Variants in STYX observed in about 807,000 individuals in gnomAD.
STYX encodes serine/threonine/tyrosine-interacting protein.
A neutral mutation model predicts 42.7 loss-of-function variants in STYX; 20 were observed. The observed-to-expected ratio is 0.47, with a 90% CI of 0.33 to 0.68. STYX has a LOEUF of 0.68. Ranked by LOEUF, STYX falls within the 30% of genes least tolerant of loss-of-function variation. STYX has a pLI of 0.02. For synonymous variants in STYX, 78 were observed against 81.9 expected (o/e 0.95, Z 0.26); for missense variants, 226 against 268.5 (o/e 0.84, Z 1.11).
chr14:52,757,984 G>A lies in STYX; in HGVS notation c.431+60G>A, dbSNP rs1201474764. 5 of 1,569,248 alleles carry A rather than the reference G, an allele frequency of 3.2e-6. No homozygotes were observed. In the African/African-American group the frequency reaches 6.8e-5, roughly 21 times the overall value. On this transcript the variant is annotated intron_variant, in intron 8 of 10. Transcript: ENST00000354586. ...AATTCTCATTAAAATGAAACTTAATGGGAATAGTTTGGAAGTTTGAAGTTC... is the reference window on the plus strand; with the variant it reads ...AATTCTCATTAAAATGAAACTTAATAGGAATAGTTTGGAAGTTTGAAGTTC...
intron 9 of STYX, among the ~76,000 whole-genome samples, chr14:52,762,878 CTTTCTTTTTTTTT>C (rs1287981712): frequency 1.0e-4 from 8 of 77,408 alleles, no homozygotes; most frequent in Middle Eastern, 9.1e-3. Context: ...TTCTTTCTTT[CTTTCTTTTTTTTT>C]TTTTTTTTTT....
At chr14:52,753,833 T>C (rs1047306717) in intron 4 of STYX, among the ~76,000 whole-genome samples, 1 of 151,916 alleles carries the variant, frequency 6.6e-6, no homozygotes, top group Non-Finnish European at 1.5e-5. Flanking sequence ...GTGTTTTTTT[T>C]TTACACCATA....
Position 52,756,590 on chromosome 14 carries a change from TATA to T in STYX, c.286_288del (p.Ile96del). 1 of 1,518,474 alleles carries T rather than the reference TATA, an allele frequency of 6.6e-7. No homozygotes were observed. 94.1% of individuals were successfully genotyped at this position (1,518,474 alleles called of 1,614,324 possible). On this transcript the variant is annotated inframe_deletion, in exon 5 of 11. Coordinates refer to ENST00000354586, the MANE Select transcript of STYX (RefSeq NM_145251.4). ...ATATTGCAGATAATCCAGTTGAAAA[TATA>T]ATACGTTTTTTCCCTATGGTAGGTA... is the stretch of plus-strand genomic sequence containing the variant.
chr14:52,758,308 C>A (rs1013193178), intron 8 of STYX, among the ~76,000 whole-genome samples: 1 of 152,150 alleles, frequency 6.6e-6, no homozygotes, highest in Non-Finnish European at 1.5e-5. Flanking sequence ...TCAGAGTAGT[C>A]TTTCTTATCA....
intron 4 of STYX, among the ~76,000 whole-genome samples, chr14:52,751,637 C>T (rs767329793): frequency 3.9e-5 from 6 of 152,070 alleles, no homozygotes; most frequent in Non-Finnish European, 7.4e-5. Context: ...AATGGTATCT[C>T]ATTTGATGTT....
intron 9 of STYX, among the ~76,000 whole-genome samples, chr14:52,767,857 G>C (rs1270250432): frequency 2.6e-5 from 4 of 152,186 alleles, no homozygotes; most frequent in African/African-American, 9.7e-5. Flanking sequence ...TGATTCTCAT[G>C]TATATCCAGG....
intron 1 of STYX, among the ~76,000 whole-genome samples, chr14:52,737,795 T>TTTTG (rs777597834): frequency 2.2e-4 from 33 of 152,062 alleles, no homozygotes; most frequent in African/African-American, 2.2e-4. Context: ...GGCAGGGTTT[T>TTTTG]TTTGTTTGTT....
chr14:52,764,737 C>T (rs1454326878), intron 9 of STYX, among the ~76,000 whole-genome samples: 4 of 133,712 alleles, frequency 3.0e-5, no homozygotes, highest in African/African-American at 8.5e-5. Context: ...GGTGTGATCT[C>T]GGCTCACTGC....
In STYX at chr14:52,757,895, C is replaced by G. The variant is rs1489254812; in HGVS notation, c.402C>G (p.Tyr134Ter). Reference sequence around the variant, plus strand: ...TCAGTGCAGCCTTTGTTATTGCATACATTATGGAAACATTTGGAATGAAGT... The same window carrying G: ...TCAGTGCAGCCTTTGTTATTGCATAGATTATGGAAACATTTGGAATGAAGT... ...ISRSAAFVIA[Y>*]IMETFGMKYR... The change falls in exon 8 of 11, where the codon TAC becomes TAG. Residue 134 changes from tyrosine (Y) to a stop codon, truncating the protein, a stop_gained. Coordinates refer to ENST00000354586, the MANE Select transcript of STYX (RefSeq NM_145251.4). LOFTEE classifies it high-confidence loss of function. 6.2e-7 allele frequency: 1 copy of G among 1,612,210 alleles called. No individual in the cohort carries two copies.
At chr14:52,744,063 A>G (rs962231596) in intron 1 of STYX, among the ~76,000 whole-genome samples, 3 of 152,176 alleles carry the variant, frequency 2.0e-5, no homozygotes, top group Non-Finnish European at 2.9e-5. Flanking sequence ...AGCTCAAGCA[A>G]TCTGCCTGCC....
chr14:52,757,788 A>G lies in STYX; in HGVS notation c.380+6A>G. On this transcript the variant is annotated splice_donor_region_variant and intron_variant, in intron 7 of 10. Coordinates refer to ENST00000354586, the MANE Select transcript of STYX (RefSeq NM_145251.4). The stretch of plus-strand genomic sequence containing the variant: ...AATGCAGGGATCTCCAGAAGGTATG[A>G]AGTTAGAAATAATCTTTCTTTCTAT... The G allele has an allele frequency of 6.2e-7, 1 of 1,613,440 alleles. No homozygotes were observed. Among genetic ancestry groups the G allele is most frequent in the Non-Finnish European group, 8.5e-7 (1 of 1,179,690 alleles).
chr14:52,744,967 G>T, intron 2 of STYX, 83 bp downstream of exon 2: 1 of 1,176,100 alleles, frequency 8.5e-7, no homozygotes, highest in South Asian at 1.4e-5. Flanking sequence ...GAGACCTGCT[G>T]ATTTCATGAT....
chr14:52,730,324 G>A lies in STYX; in HGVS notation c.-151G>A. The A allele has an allele frequency of 1.4e-6, 1 of 723,432 alleles. No individual in the cohort carries two copies. The highest frequency in any genetic ancestry group is 1.7e-5 in the African/African-American group (1 of 57,212). 44.8% of individuals were successfully genotyped at this position (723,432 alleles called of 1,614,324 possible). A position where few individuals can be genotyped will look rare whatever the true frequency, so the allele number is the denominator to read the frequency against. On this transcript the variant is annotated 5_prime_UTR_variant, in exon 1 of 11. Coordinates refer to ENST00000354586, the MANE Select transcript of STYX (RefSeq NM_145251.4). ...CCGCTGCTGGAGTCACTGGGACCCTGTAGTCTGCGTGTGTTAGTTGTAATC... is the reference window on the plus strand; with the variant it reads ...CCGCTGCTGGAGTCACTGGGACCCTATAGTCTGCGTGTGTTAGTTGTAATC...
rs1881333956 is a variant in STYX, at chr14:52,744,880, T to A, written c.86T>A (p.Met29Lys). The change falls in exon 2 of 11, where the codon ATG (methionine) becomes AAG (lysine). Residue 29 changes from methionine (M) to lysine (K), a missense_variant. Physicochemically the swap from Met to Lys is moderately conservative, Grantham distance 95. Transcript: ENST00000354586. ...TGGACCTACCCTATGAGACGAGAGA[T>A]GCAGGTATGGCAACCTTTTCTTTGT... is the stretch of plus-strand genomic sequence containing the variant. ...EEWTYPMRRE[M>K]QEILPGLFLG... 1 of 1,613,236 alleles carries A rather than the reference T, an allele frequency of 6.2e-7. No individual in the cohort carries two copies. Among genetic ancestry groups the A allele is most frequent in the African/African-American group, 1.3e-5 (1 of 74,894 alleles).
chr14:52,749,035 C>T (rs1268824555), intron 3 of STYX, among the ~76,000 whole-genome samples: 1 of 152,206 alleles, frequency 6.6e-6, no homozygotes, highest in Non-Finnish European at 1.5e-5. Flanking sequence ...GCTGCTCAAA[C>T]AAAATACCAT....
intron 1 of STYX, among the ~76,000 whole-genome samples, chr14:52,733,357 A>T (rs554893045): frequency 6.6e-6 from 1 of 152,078 alleles, no homozygotes; most frequent in Non-Finnish European, 1.5e-5. Context: ...TTATGCTACC[A>T]GATGTGTGGG....
rs893600159 is a variant in STYX at position 52,771,696 on chromosome 14, A to G, written c.*590A>G. On this transcript the variant is annotated 3_prime_UTR_variant, in exon 11 of 11. Transcript: ENST00000354586. ...CCATTTTATTTTTTATACTTCTTCC[A>G]TTATTAATCTTTAAATCATGATCCT... The G allele has an allele frequency of 6.6e-6, 1 of 152,404 alleles. No individual in the cohort carries two copies. The highest frequency in any genetic ancestry group is 2.4e-5 in the African/African-American group (1 of 41,408). The allele number at this position is 152,404 out of a possible 1,614,324, so 9.4% of individuals were successfully genotyped here. A position where few individuals can be genotyped will look rare whatever the true frequency, so the allele number is the denominator to read the frequency against.
In STYX at chr14:52,730,321, C is replaced by T. The variant is rs928626566; in HGVS notation, c.-154C>T. On this transcript the variant is annotated 5_prime_UTR_variant, in exon 1 of 11. Coordinates refer to ENST00000354586, the MANE Select transcript of STYX (RefSeq NM_145251.4). ...CCGCCGCTGCTGGAGTCACTGGGAC[C>T]CTGTAGTCTGCGTGTGTTAGTTGTA... 1.4e-6 allele frequency: 1 copy of T among 713,544 alleles called. No homozygotes were observed. The allele number at this position is 713,544 out of a possible 1,614,324, so 44.2% of individuals were successfully genotyped here.
At chr14:52,737,998 G>A (rs908609874) in intron 1 of STYX, among the ~76,000 whole-genome samples, 6 of 152,226 alleles carry the variant, frequency 3.9e-5, no homozygotes, top group African/African-American at 9.6e-5. Context: ...GGATGGTCTC[G>A]ATCTCCTGAC....
Sources: allele counts gnomAD v4.1 joint callset (sites outside exome capture counted in the v4.1 genomes callset), GRCh38; gene constraint gnomAD v4.1.1; transcripts MANE v1.5; gene names NCBI Gene and HGNC (gene_info 2026-07-23, HGNC 2026-07-21).